GALNT13: variants seen among roughly 807,000 people sequenced by gnomAD.
GALNT13 encodes UDP-GalNAc:polypeptide N-acetylgalactosaminyltransferase 13.
In GALNT13, 28 loss-of-function variants were observed where a neutral mutation model predicts 64.2. That is an observed-to-expected ratio of 0.44 (90% CI 0.32 to 0.60). GALNT13 has a LOEUF of 0.60. Among genes scored for constraint, GALNT13 ranks in the 20% least tolerant of loss-of-function variants. GALNT13 has a pLI of 0.05. For missense variants in GALNT13, 577 were observed against 669.8 expected (o/e 0.86, Z 1.53); for synonymous variants, 214 against 224.6 (o/e 0.95, Z 0.42).
At chr2:153,374,403 C>G in the GALNT13 span, among the ~76,000 whole-genome samples, 1 of 151,994 alleles carries the variant, frequency 6.6e-6, no homozygotes, top group Non-Finnish European at 1.5e-5. Flanking sequence ...AATACCTATT[C>G]AAGTCTTTTG....
At chr2:153,739,560 ATTATT>A in the GALNT13 span, among the ~76,000 whole-genome samples, 2 of 66,412 alleles carry the variant, frequency 3.0e-5, no homozygotes, top group East Asian at 4.2e-4. Flanking sequence ...TTATTTATTT[ATTATT>A]TTATTTATTT....
At chr2:153,892,647 A>G (rs1391913524) in intron 1 of GALNT13, among the ~76,000 whole-genome samples, 2 of 152,040 alleles carry the variant, frequency 1.3e-5, no homozygotes, top group Non-Finnish European at 2.9e-5. Context: ...TGTTAAAGCT[A>G]TTTCTTTACT....
chr2:154,255,439 C>T (rs1373811991), intron 7 of GALNT13, among the ~76,000 whole-genome samples: 1 of 152,066 alleles, frequency 6.6e-6, no homozygotes, highest in Non-Finnish European at 1.5e-5. Context: ...TAGGATAGAA[C>T]TTAATTCAGC....
intron 2 of GALNT13, among the ~76,000 whole-genome samples, chr2:153,907,079 T>C (rs1301973022): frequency 6.6e-6 from 1 of 152,076 alleles, no homozygotes; most frequent in Admixed American, 6.6e-5. Flanking sequence ...CTTTGCCCAG[T>C]TTTTGATGGG....
At chr2:153,923,794 G>C (rs1036767382) in intron 2 of GALNT13, among the ~76,000 whole-genome samples, 1 of 149,282 alleles carries the variant, frequency 6.7e-6, no homozygotes, top group Non-Finnish European at 1.5e-5. Context: ...TGCGGTGTTT[G>C]TTTTTTTGTC....
At chr2:153,341,802 C>CTTACCAGGCTATTATA in the GALNT13 span, among the ~76,000 whole-genome samples, 1 of 152,116 alleles carries the variant, frequency 6.6e-6, no homozygotes, top group African/African-American at 2.4e-5. Flanking sequence ...CCTTGGCAGG[C>CTTACCAGGCTATTATA]TTACCAGGCT....
the GALNT13 span, among the ~76,000 whole-genome samples, chr2:153,400,379 A>C: frequency 2.7e-3 from 413 of 152,292 alleles, 2 homozygotes; most frequent in Non-Finnish European, 5.2e-3. Context: ...TATTGGTCTA[A>C]AATTCTCTTT....
chr2:153,861,542 T>G, the GALNT13 span, among the ~76,000 whole-genome samples: 2 of 149,288 alleles, frequency 1.3e-5, no homozygotes, highest in East Asian at 2.0e-4. Flanking sequence ...TTTTTTCTCT[T>G]TTCTTTTTCT....
At chr2:153,848,879 T>C in the GALNT13 span, among the ~76,000 whole-genome samples, 1 of 151,724 alleles carries the variant, frequency 6.6e-6, no homozygotes, top group African/African-American at 2.4e-5. Context: ...AATTCTACAA[T>C]GTATGTATAA....
At chr2:153,638,422 A>AAAGCCAAGAG in the GALNT13 span, among the ~76,000 whole-genome samples, 1 of 86,708 alleles carries the variant, frequency 1.2e-5, no homozygotes, top group Non-Finnish European at 2.6e-5. Context: ...GGTTGCCTGG[A>AAAGCCAAGAG]CACCCGGGAT....
At chr2:153,392,349 C>A in the GALNT13 span, among the ~76,000 whole-genome samples, 1 of 151,414 alleles carries the variant, frequency 6.6e-6, no homozygotes. Flanking sequence ...AAAAACCCCA[C>A]AAAAAAACAA....
At chr2:153,081,060 T>C in the GALNT13 span, among the ~76,000 whole-genome samples, 206 of 152,230 alleles carry the variant, frequency 1.4e-3, 2 homozygotes, top group African/African-American at 4.6e-3. Flanking sequence ...ATATATAGCA[T>C]AATGCTGTAT....
At chr2:154,320,221 C>G (rs1694551310) in intron 9 of GALNT13, among the ~76,000 whole-genome samples, 1 of 152,058 alleles carries the variant, frequency 6.6e-6, no homozygotes, top group African/African-American at 2.4e-5. Context: ...GCTTACCAAT[C>G]TAGAATCTGC....
At chr2:153,476,334 G>A in the GALNT13 span, among the ~76,000 whole-genome samples, 1 of 152,120 alleles carries the variant, frequency 6.6e-6, no homozygotes, top group African/African-American at 2.4e-5. Flanking sequence ...TTTGATTTTA[G>A]TTACTCTTAT....
At chr2:153,609,077 C>A in the GALNT13 span, among the ~76,000 whole-genome samples, 2 of 148,512 alleles carry the variant, frequency 1.3e-5, no homozygotes, top group African/African-American at 5.1e-5. Context: ...CCACCATGAC[C>A]AGCTAAGTTT....
chr2:153,279,454 GC>G, the GALNT13 span, among the ~76,000 whole-genome samples: 1 of 152,132 alleles, frequency 6.6e-6, no homozygotes, highest in African/African-American at 2.4e-5. Flanking sequence ...CAAAGGGAAT[GC>G]TTTCAGGTTT....
At chr2:153,799,595 A>G in the GALNT13 span, among the ~76,000 whole-genome samples, 1 of 152,192 alleles carries the variant, frequency 6.6e-6, no homozygotes, top group African/African-American at 2.4e-5. Flanking sequence ...ATGCTCTGCC[A>G]TTATAGTAAC....
intron 3 of GALNT13, among the ~76,000 whole-genome samples, chr2:154,117,383 G>A (rs1032129024): frequency 1.3e-5 from 2 of 152,136 alleles, no homozygotes; most frequent in Non-Finnish European, 2.9e-5. Context: ...AGCAGTATAC[G>A]CTGAACCCAA....
At chr2:153,672,627 A>C in the GALNT13 span, among the ~76,000 whole-genome samples, 1 of 152,228 alleles carries the variant, frequency 6.6e-6, no homozygotes, top group Admixed American at 6.5e-5. Context: ...GCACCCTAAC[A>C]TCACAATTAA....
Sources: gnomAD v4.1 joint callset for allele counts (sites outside exome capture counted in the v4.1 genomes callset) on GRCh38, gnomAD v4.1.1 for gene constraint, MANE v1.5 for transcripts, NCBI Gene and HGNC (gene_info 2026-07-23, HGNC 2026-07-21) for gene names.